The following BEND7 variants were observed in gnomAD, a reference collection of about 807,000 sequenced individuals.
BEND7 encodes the protein BEN domain containing 7, also known as BEN domain-containing protein 7.
BEND7 carries 28 observed loss-of-function variants against 50.9 expected under a neutral mutation model. The observed-to-expected ratio is 0.55, with a 90% CI of 0.41 to 0.75. The LOEUF is 0.75. Among genes scored for constraint, BEND7 ranks in the 30% least tolerant of loss-of-function variants. The pLI is 0.00. For missense variants in BEND7, 477 were observed against 491.3 expected (o/e 0.97, Z 0.28); for synonymous variants, 170 against 183.9 (o/e 0.92, Z 0.61).
chr10:13,459,215 G>A (rs185002725), intron 6 of BEND7, among the ~76,000 whole-genome samples: 1 of 152,002 alleles, frequency 6.6e-6, no homozygotes, highest in East Asian at 2.0e-4. Flanking sequence ...AAGCATGGTG[G>A]CCAACTGGGG....
chr10:13,495,878 C>T (rs1356887576), intron 4 of BEND7, among the ~76,000 whole-genome samples: 1 of 152,148 alleles, frequency 6.6e-6, no homozygotes, highest in African/African-American at 2.4e-5. Context: ...AAGCCAGTCA[C>T]GACATGGCTT....
rs142595940 is a variant in BEND7, at chr10:13,476,001, C to T, written c.1063+4898G>A. ...TTGTTCTTATAAAAAGTTCTGAGAACGCAGATAAGTTACTATCAATAAATA... is the reference window on the plus strand; with the variant it reads ...TTGTTCTTATAAAAAGTTCTGAGAATGCAGATAAGTTACTATCAATAAATA... On this transcript the variant is annotated intron_variant, in intron 6 of 8. Coordinates refer to ENST00000466271, the MANE Select transcript of BEND7 (RefSeq NM_001369863.1). Among the ~76,000 whole-genome samples, 42 of 152,256 alleles carry T rather than the reference C, an allele frequency of 2.8e-4. No individual in the cohort carries two copies. In the East Asian group the frequency reaches 2.9e-3, roughly 10 times the overall value.
chr10:13,441,749 C>T lies in BEND7; in HGVS notation c.1236G>A (p.Val412=). The change falls in exon 9 of 9, where the codon GTG becomes GTA. Residue 412 remains valine (V), a splice_region_variant and synonymous_variant. Transcript: ENST00000466271. ...TGTGGTTTGCAGTCCTTCATCAGAC[C>T]ACTTGAGAAAACAAAGGGACTGTTG... ...RLDGIALPPT[V]V is the part of the protein sequence containing the mutation. 7 of 1,613,824 alleles carry T rather than the reference C, an allele frequency of 4.3e-6. No individual in the cohort carries two copies. The highest frequency in any genetic ancestry group is 5.9e-6 in the Non-Finnish European group (7 of 1,179,844).
At chr10:13,453,783 A>T (rs1838318064) in intron 6 of BEND7, among the ~76,000 whole-genome samples, 1 of 152,236 alleles carries the variant, frequency 6.6e-6, no homozygotes, top group Admixed American at 6.5e-5. Context: ...CTTGATACTG[A>T]TAAAATTGGC....
chr10:13,508,267 C>T (rs1170440442), intron 2 of BEND7, among the ~76,000 whole-genome samples: 1 of 152,086 alleles, frequency 6.6e-6, no homozygotes, highest in African/African-American at 2.4e-5. Flanking sequence ...TCGAACTCAG[C>T]AAAAAACAGT....
chr10:13,470,311 C>T (rs767190575), intron 6 of BEND7, among the ~76,000 whole-genome samples: 25 of 152,198 alleles, frequency 1.6e-4, no homozygotes, highest in South Asian at 6.2e-4. Flanking sequence ...ATATACAAAT[C>T]GACAGTGTCC....
intron 2 of BEND7, among the ~76,000 whole-genome samples, chr10:13,517,795 T>C (rs2078799015): frequency 6.6e-6 from 1 of 152,144 alleles, no homozygotes; most frequent in African/African-American, 2.4e-5. Flanking sequence ...TTGCACACGA[T>C]ACTCTCAGGA....
chr10:13,457,640 C>A (rs1430523718), intron 6 of BEND7, among the ~76,000 whole-genome samples: 1 of 152,182 alleles, frequency 6.6e-6, no homozygotes, highest in African/African-American at 2.4e-5. Context: ...ATTATGATAG[C>A]AGATGAGGCC....
chr10:13,487,099 G>T lies in BEND7; in HGVS notation c.837+5512C>A, dbSNP rs563513723. Reference sequence around the variant, plus strand: ...GGGACTATTTCACACACTTCAGTATGCCCTGGAAAACAGCAATATAATTAA... The same window carrying T: ...GGGACTATTTCACACACTTCAGTATTCCCTGGAAAACAGCAATATAATTAA... On this transcript the variant is annotated intron_variant, in intron 5 of 8. Coordinates refer to ENST00000466271, the MANE Select transcript of BEND7 (RefSeq NM_001369863.1). Among the ~76,000 whole-genome samples the T allele has an allele frequency of 1.1e-4, 16 of 152,282 alleles. No individual in the cohort carries two copies. The South Asian group carries it at 3.3e-3, about 32-fold the overall frequency.
rs1273644115 is a variant in BEND7, at chr10:13,499,940, G to T, written c.286C>A (p.Pro96Thr). Residue 96 changes from proline to threonine, a missense_variant, in exon 3 of 9, where the codon CCT becomes ACT. Pro to Thr is a conservative substitution (Grantham distance 38, BLOSUM62 -1). Around this residue, in one of 3 missense-constraint regions of BEND7, gnomAD observed 396 missense variants for 384.2 expected, o/e 1.03. Coordinates refer to ENST00000466271, the MANE Select transcript of BEND7 (RefSeq NM_001369863.1). ...EEPQDLDLVW[P>T]PRLNSSAEAP... ...TCAGCAGAGGAGTTCAAACGTGGAG[G>T]CCAGACTAAATCCAGGTCCTGGGGC... 1.3e-5 allele frequency: 21 copies of T among 1,614,096 alleles called. No homozygotes were observed. The highest frequency in any genetic ancestry group is 2.7e-5 in the African/African-American group (2 of 74,942).
chr10:13,492,873 C>T lies in BEND7; in HGVS notation c.575G>A (p.Gly192Glu). ...TGGAGGTTGTTGTCTGTTTTGAGTT[C>T]CAACTGCGAATAATAAACAAAAATA... ...MRKLMQIQAV[G>E]TQNRQQPPIS... Residue 192 changes from glycine to glutamate, a missense_variant, in exon 5 of 9, where the codon GGA (glycine) becomes GAA (glutamate). By Grantham distance (98) the Gly-to-Glu change is moderately conservative. Transcript: ENST00000466271. 6.3e-7 allele frequency: 1 copy of T among 1,594,394 alleles called. No homozygotes were observed. The highest frequency in any genetic ancestry group is 8.5e-7 in the Non-Finnish European group (1 of 1,175,544).
At chr10:13,480,631 A>G (rs2131720159) in intron 6 of BEND7, 1 of 984,416 alleles carries the variant, frequency 1.0e-6, no homozygotes, top group East Asian at 1.1e-4. Context: ...TTAAAAGTCA[A>G]GAAAAAACTT....
Position 13,528,558 on chromosome 10 carries a change from G to A in BEND7, c.-25C>T, listed in dbSNP as rs1482826709. The A allele has an allele frequency of 1.1e-5, 11 of 1,003,406 alleles. No individual in the cohort carries two copies. The highest frequency in any genetic ancestry group is 1.8e-5 in the African/African-American group (1 of 55,916). 62.2% of individuals were successfully genotyped at this position (1,003,406 alleles called of 1,614,324 possible). A position where few individuals can be genotyped will look rare whatever the true frequency, so the allele number is the denominator to read the frequency against. Reference sequence around the variant, plus strand: ...TGGTGCGGGGAAGGCGGCGGCGGGGGCTGAGGAGGCGGCGGCAGCGGCGGC... The same window carrying A: ...TGGTGCGGGGAAGGCGGCGGCGGGGACTGAGGAGGCGGCGGCAGCGGCGGC... On this transcript the variant is annotated 5_prime_UTR_variant, in exon 1 of 9. Transcript: ENST00000466271.
intron 7 of BEND7, 102 bp from the exon 8 acceptor site, chr10:13,447,418 CTG>C (rs1836612583): frequency 1.8e-6 from 2 of 1,096,112 alleles, no homozygotes; most frequent in Non-Finnish European, 2.7e-6. Context: ...GTATACATAA[CTG>C]TTTTCACCAT....
At chr10:13,450,600 T>C (rs540869259) in intron 7 of BEND7, among the ~76,000 whole-genome samples, 21 of 152,366 alleles carry the variant, frequency 1.4e-4, no homozygotes, top group African/African-American at 4.1e-4. Flanking sequence ...AGCCACCTTC[T>C]ACTTCTCAGT....
chr10:13,469,940 AGTCAATAC>A (rs1189499647), intron 6 of BEND7, among the ~76,000 whole-genome samples: 1 of 152,224 alleles, frequency 6.6e-6, no homozygotes, highest in African/African-American at 2.4e-5. Flanking sequence ...TGCAGGAGAT[AGTCAATAC>A]GTGTTATGGA....
At chr10:13,447,156 C>T (rs962019578) in intron 8 of BEND7, 110 bp downstream of exon 8, 1 of 1,102,056 alleles carries the variant, frequency 9.1e-7, no homozygotes, top group Non-Finnish European at 1.4e-6. Context: ...ACTGCAGAAG[C>T]AGTTTGCTCA....
intron 6 of BEND7, among the ~76,000 whole-genome samples, chr10:13,474,491 G>A (rs567023234): frequency 1.3e-5 from 2 of 151,870 alleles, no homozygotes; most frequent in Non-Finnish European, 2.9e-5. Context: ...TACACTCGGG[G>A]CCGATACCCG....
intron 6 of BEND7, among the ~76,000 whole-genome samples, chr10:13,467,125 T>C (rs553345803): frequency 2.0e-5 from 3 of 152,338 alleles, no homozygotes; most frequent in South Asian, 4.1e-4. Flanking sequence ...TTCAATTTCC[T>C]GTTCTTTTTT....
Sources: gnomAD v4.1 joint callset for allele counts (sites outside exome capture counted in the v4.1 genomes callset) on GRCh38, gnomAD v4.1.1 for gene constraint, gnomAD v4.1.1 regional missense constraint, MANE v1.5 for transcripts, NCBI Gene and HGNC (gene_info 2026-07-23, HGNC 2026-07-21) for gene names.